POU2F2: variants seen among roughly 807,000 people sequenced by gnomAD.
POU2F2 encodes POU class 2 homeobox 2.
Under a neutral mutation model 63.5 loss-of-function variants are expected in POU2F2, and 14 were observed. The observed-to-expected ratio is 0.22, with a 90% confidence interval of 0.15 to 0.34. The LOEUF (loss-of-function observed/expected upper bound fraction) is 0.34, where lower values mean the gene tolerates loss of function less well. POU2F2 is among the 10% of genes least tolerant of loss of function. POU2F2 has a pLI of 1.00. For missense variants in POU2F2, 607 were observed against 815.2 expected (o/e 0.74, Z 3.11); for synonymous variants, 306 against 348.6 (o/e 0.88, Z 1.36).
intron 1 of POU2F2, among the ~76,000 whole-genome samples, chr19:42,195,091 G>GAGGGAGGA (rs2035124158): frequency 3.7e-4 from 2 of 5,344 alleles, no homozygotes; most frequent in Non-Finnish European, 7.8e-4. Flanking sequence ...GGGAGGAAGG[G>GAGGGAGGA]AGGAAGGAAG....
intron 12 of POU2F2, chr19:42,093,622 GA>G (rs1175410109): frequency 9.5e-6 from 4 of 420,574 alleles, no homozygotes; most frequent in Admixed American, 8.5e-5. Flanking sequence ...TTTCTCATAT[GA>G]AATCGTGAAG....
Position 42,095,539 on chromosome 19 carries a change from C to A in POU2F2, c.1020+6G>T. The A allele has an allele frequency of 1.2e-6, 2 of 1,600,138 alleles. No individual in the cohort carries two copies. Among genetic ancestry groups the A allele is most frequent in the Non-Finnish European group, 1.7e-6 (2 of 1,172,882 alleles). ...GTGAGGGCCACCCAGGAGAGGGGGGCCTCACCGCTAGAAAACTCTTCTCTA... is the reference window on the plus strand; with the variant it reads ...GTGAGGGCCACCCAGGAGAGGGGGGACTCACCGCTAGAAAACTCTTCTCTA... On this transcript the variant is annotated splice_donor_region_variant and intron_variant, in intron 10 of 14. Coordinates refer to ENST00000692977, the MANE Select transcript of POU2F2 (RefSeq NM_001394376.1). This position sits in a 1 kb window ranked among gnomAD's most constrained non-coding sequence, Gnocchi z 7.1.
intron 1 of POU2F2, among the ~76,000 whole-genome samples, chr19:42,166,374 T>C (rs891119609): frequency 1.3e-5 from 2 of 152,192 alleles, no homozygotes. Context: ...TCAAAGCACC[T>C]TGCACAATGC....
At position 42,095,712 on chromosome 19, in the gene POU2F2, G is replaced by A. The variant is rs1256594040; in HGVS notation, c.872-19C>T. ...ATAGTCTCTGTGCGCCGGGGGAGAC[G>A]TGAGCATGAGAAGGGGCCTCCCGCG... On this transcript the variant is annotated intron_variant, in intron 9 of 14. Coordinates refer to ENST00000692977, the MANE Select transcript of POU2F2 (RefSeq NM_001394376.1). This position sits in a 1 kb window ranked among gnomAD's most constrained non-coding sequence, Gnocchi z 7.1. 3 of 1,611,750 alleles carry A rather than the reference G, an allele frequency of 1.9e-6. No homozygotes were observed. The highest frequency in any genetic ancestry group is 2.2e-5 in the South Asian group (2 of 91,082).
In POU2F2 at chr19:42,117,540, C is replaced by A. The variant is rs2032081710; in HGVS notation, c.187-108G>T. 7.3e-6 allele frequency: 4 copies of A among 547,196 alleles called. No homozygotes were observed. In the Admixed American group the frequency reaches 1.5e-4, roughly 20 times the overall value. 33.9% of individuals were successfully genotyped at this position (547,196 alleles called of 1,614,324 possible). On this transcript the variant is annotated intron_variant, in intron 4 of 14. Transcript: ENST00000692977. The surrounding 1 kb of genome is among the most constrained non-coding windows in gnomAD (Gnocchi z 4.4). The stretch of plus-strand genomic sequence containing the variant: ...GTGCAGTCTGTGGTCCTGCACTGAC[C>A]GCTGGGAGCTTCAAACCACTCCTCT...
At chr19:42,171,657 C>T (rs568798946) in intron 1 of POU2F2, among the ~76,000 whole-genome samples, 42 of 152,280 alleles carry the variant, frequency 2.8e-4, no homozygotes, top group Admixed American at 2.7e-3. Context: ...ACAGATGCTG[C>T]CTCCCTGGCC....
intron 12 of POU2F2, 74 bp downstream of exon 12, chr19:42,093,755 C>T: frequency 6.8e-7 from 1 of 1,480,324 alleles, no homozygotes; most frequent in Non-Finnish European, 9.3e-7. Flanking sequence ...CACCCAGAGC[C>T]ACTTGGGAAC....
At chr19:42,168,931 A>G (rs1384975365) in intron 1 of POU2F2, among the ~76,000 whole-genome samples, 3 of 152,100 alleles carry the variant, frequency 2.0e-5, no homozygotes, top group Non-Finnish European at 2.9e-5. Context: ...TACCAGGTGT[A>G]TTTATAACTA....
At chr19:42,151,643 G>A (rs746614533) in intron 2 of POU2F2, among the ~76,000 whole-genome samples, 69 of 152,238 alleles carry the variant, frequency 4.5e-4, no homozygotes, top group Admixed American at 2.2e-3. Flanking sequence ...GAGGCCCAGA[G>A]AGGGGAGACG....
chr19:42,172,740 C>G (rs2034795499), intron 1 of POU2F2, among the ~76,000 whole-genome samples: 1 of 152,154 alleles, frequency 6.6e-6, no homozygotes, highest in African/African-American at 2.4e-5. Flanking sequence ...GCTGGCTCTC[C>G]CTTCAGGATA....
Position 42,156,129 on chromosome 19 carries a change from A to C in POU2F2, c.-9+4203T>G, listed in dbSNP as rs541453139. ...GTCTCTCTATTTGAAGTCAGAGCCG[A>C]GTGCCTGCTCTCGGCACCTGGGGCT... On this transcript the variant is annotated intron_variant, in intron 2 of 6. Coordinates refer to the POU2F2 transcript ENST00000524801. This position sits in a 1 kb window ranked among gnomAD's most constrained non-coding sequence, Gnocchi z 4.1. 2.6e-5 allele frequency: 4 copies of C among 152,286 alleles called. No homozygotes were observed. Among genetic ancestry groups the C allele is most frequent in the African/African-American group, 9.6e-5 (4 of 41,526 alleles). 9.4% of individuals were successfully genotyped at this position (152,286 alleles called of 1,614,324 possible). A position where few individuals can be genotyped will look rare whatever the true frequency, so the allele number is the denominator to read the frequency against.
intron 7 of POU2F2, among the ~76,000 whole-genome samples, chr19:42,097,177 T>C (rs1237741980): frequency 1.3e-5 from 2 of 151,652 alleles, no homozygotes; most frequent in African/African-American, 4.9e-5. Context: ...GGGGCAGATG[T>C]TTAGGAATTT....
chr19:42,110,899 GATA>G (rs2146498972), intron 5 of POU2F2: 1 of 342,486 alleles, frequency 2.9e-6, no homozygotes, highest in East Asian at 8.1e-5. Flanking sequence ...GTAAAATGGG[GATA>G]ATAATGTCTA....
intron 1 of POU2F2, among the ~76,000 whole-genome samples, chr19:42,175,117 T>C (rs552745313): frequency 5.9e-5 from 9 of 151,942 alleles, no homozygotes; most frequent in Non-Finnish European, 1.2e-4. Context: ...TGGGGCTGAG[T>C]CGACAGCCAT....
rs1568978471 is a variant in POU2F2, at chr19:42,095,625, C to T, written c.940G>A (p.Gly314Ser). Residue 314 changes from glycine to serine, a missense_variant, in exon 10 of 15, where the codon GGC becomes AGC. By Grantham distance (56) the Gly-to-Ser change is moderately conservative (BLOSUM62 0). Around this residue, in one of 7 missense-constraint regions of POU2F2, gnomAD observed 36 missense variants for 63.8 expected, o/e 0.56. Coordinates refer to ENST00000692977, the MANE Select transcript of POU2F2 (RefSeq NM_001394376.1). The surrounding 1 kb of genome is among the most constrained non-coding windows in gnomAD (Gnocchi z 7.1). ...QLSSPSLGFD[G>S]LPGRRRKKRT... ...TTCTTGCGTCTCCGGCCGGGCAGGC[C>T]GTCGAAACCCAGGCTGGGGCTGCTC... The T allele has an allele frequency of 6.2e-7, 1 of 1,613,048 alleles. No homozygotes were observed.
intron 1 of POU2F2, among the ~76,000 whole-genome samples, chr19:42,124,726 AC>A (rs1396972962): frequency 6.6e-6 from 1 of 152,258 alleles, no homozygotes; most frequent in African/African-American, 2.4e-5. Context: ...GAAATATGCC[AC>A]AGTAATGAAA....
intron 5 of POU2F2, among the ~76,000 whole-genome samples, chr19:42,114,284 C>T (rs946838315): frequency 2.0e-5 from 3 of 152,124 alleles, no homozygotes; most frequent in Non-Finnish European, 2.9e-5. Context: ...GCCTTCTATC[C>T]TCTAGTCTTT....
chr19:42,092,217 C>G lies in POU2F2; in HGVS notation c.1318G>C (p.Gly440Arg), dbSNP rs1425291878. Residue 440 changes from glycine to arginine, a missense_variant, in exon 13 of 15, where the codon GGG (glycine) becomes CGG (arginine). This residue lies in a region of POU2F2 where 270 missense variants were observed against 307.5 expected (regional missense o/e 0.88). Coordinates refer to ENST00000692977, the MANE Select transcript of POU2F2 (RefSeq NM_001394376.1). The surrounding 1 kb of genome is among the most constrained non-coding windows in gnomAD (Gnocchi z 5.0). ...GCAGCCCCGCCCCCGCCCCCACCCC[C>G]TCCAGCTGTCCGGCTGGGGTGGAGC... is the stretch of plus-strand genomic sequence containing the variant. The part of the protein sequence containing the change: ...GTLHPSRTAG[G>R]GGGGGGAAPP... 6.4e-7 allele frequency: 1 copy of G among 1,570,818 alleles called. No homozygotes were observed. Among genetic ancestry groups the G allele is most frequent in the Admixed American group, 1.9e-5 (1 of 51,524 alleles).
intron 1 of POU2F2, among the ~76,000 whole-genome samples, chr19:42,168,588 C>T (rs1420512018): frequency 1.3e-5 from 2 of 152,246 alleles, no homozygotes; most frequent in Non-Finnish European, 2.9e-5. Flanking sequence ...CCACTCAGCA[C>T]TGCCCCAGAA....
Sources: gnomAD v4.1 joint callset for allele counts (sites outside exome capture counted in the v4.1 genomes callset) on GRCh38, gnomAD v4.1.1 for gene constraint, gnomAD v4.1.1 regional missense constraint, Gnocchi (gnomAD v3.1) non-coding constraint, MANE v1.5 for transcripts, NCBI Gene and HGNC (gene_info 2026-07-23, HGNC 2026-07-21) for gene names.